NEBL: variants seen among roughly 807,000 people sequenced by gnomAD.
NEBL encodes the protein nebulette, also known as LIM and SH3 protein 2.
In NEBL, 122 loss-of-function variants were observed where a neutral mutation model predicts 140.2. The ratio of observed to expected loss-of-function variants is 0.87; its 90% CI spans 0.75 to 1.01. NEBL has a LOEUF of 1.01. Ranked by LOEUF, NEBL falls within the 50% of genes least tolerant of loss-of-function variation. NEBL has a pLI of 0.00. For missense variants in NEBL, 1,365 were observed against 1,231.3 expected (o/e 1.11, Z -1.62); for synonymous variants, 436 against 398.9 (o/e 1.09, Z -1.11).
chr10:20,978,011 T>A (rs977920434), intron 3 of NEBL, among the ~76,000 whole-genome samples: 1 of 152,254 alleles, frequency 6.6e-6, no homozygotes, highest in Non-Finnish European at 1.5e-5. Context: ...TCTTAAAATG[T>A]GGTATGAAAC....
At chr10:20,928,292 C>A (rs545821570) in intron 4 of NEBL, among the ~76,000 whole-genome samples, 24 of 152,288 alleles carry the variant, frequency 1.6e-4, no homozygotes, top group African/African-American at 5.1e-4. Context: ...TGTTCAATTT[C>A]TCAGTTACAC....
intron 2 of NEBL, among the ~76,000 whole-genome samples, chr10:21,140,285 C>A (rs1049364912): frequency 1.3e-5 from 2 of 152,072 alleles, no homozygotes; most frequent in Non-Finnish European, 2.9e-5. Context: ...AAAATATGAG[C>A]GTTTTCAAAC....
intron 14 of NEBL, among the ~76,000 whole-genome samples, chr10:20,835,218 T>C (rs751012784): frequency 1.3e-4 from 20 of 152,232 alleles, no homozygotes; most frequent in Non-Finnish European, 2.6e-4. Context: ...ATAGCCTAGA[T>C]TACCATTAAA....
chr10:20,985,925 T>C (rs1837240019), intron 3 of NEBL, among the ~76,000 whole-genome samples: 1 of 152,186 alleles, frequency 6.6e-6, no homozygotes. Context: ...TTATTGTTGT[T>C]ATAAAATTAT....
chr10:20,829,675 T>C (rs1840219740), intron 16 of NEBL, among the ~76,000 whole-genome samples: 1 of 152,148 alleles, frequency 6.6e-6, no homozygotes, highest in Non-Finnish European at 1.5e-5. Flanking sequence ...ATCCCAATTG[T>C]ATTTCAGTGA....
At chr10:20,824,722 T>A (rs940017057) in intron 18 of NEBL, among the ~76,000 whole-genome samples, 1 of 152,168 alleles carries the variant, frequency 6.6e-6, no homozygotes, top group African/African-American at 2.4e-5. Flanking sequence ...AATGATATAC[T>A]GTAATACTCT....
intron 4 of NEBL, among the ~76,000 whole-genome samples, chr10:20,906,259 T>C (rs1473054221): frequency 6.6e-6 from 1 of 152,194 alleles, no homozygotes; most frequent in East Asian, 1.9e-4. Context: ...AAACAAGTGA[T>C]GTCAATGTTC....
chr10:21,010,548 C>T (rs1838298545), intron 3 of NEBL, among the ~76,000 whole-genome samples: 1 of 151,756 alleles, frequency 6.6e-6, no homozygotes, highest in Non-Finnish European at 1.5e-5. Context: ...GCCACCACAC[C>T]CAGCCAAGAC....
intron 3 of NEBL, among the ~76,000 whole-genome samples, chr10:21,180,800 C>G (rs1841374604): frequency 6.6e-6 from 1 of 152,052 alleles, no homozygotes; most frequent in African/African-American, 2.4e-5. Context: ...CTCATGTCTT[C>G]CCTGGTTGGT....
intron 3 of NEBL, among the ~76,000 whole-genome samples, chr10:20,996,700 C>T (rs1052238512): frequency 1.3e-5 from 2 of 152,136 alleles, no homozygotes; most frequent in African/African-American, 4.8e-5. Context: ...TATTAAACTG[C>T]AAAAGTTACC....
At chr10:21,123,332 T>C (rs926051610) in intron 2 of NEBL, among the ~76,000 whole-genome samples, 7 of 152,216 alleles carry the variant, frequency 4.6e-5, no homozygotes, top group African/African-American at 1.7e-4. Flanking sequence ...TTTCTTTCAA[T>C]TTTGGCAAAT....
At chr10:21,067,518 G>A (rs933417159) in intron 2 of NEBL, among the ~76,000 whole-genome samples, 28 of 152,126 alleles carry the variant, frequency 1.8e-4, no homozygotes, top group African/African-American at 6.3e-4. Flanking sequence ...AAGAGAAACA[G>A]TTATGTATGC....
chr10:20,969,952 A>C (rs760870296), intron 3 of NEBL, among the ~76,000 whole-genome samples: 1 of 152,064 alleles, frequency 6.6e-6, no homozygotes, highest in Non-Finnish European at 1.5e-5. Flanking sequence ...AAATTACACA[A>C]ACTTGTCTTG....
At chr10:20,954,025 G>GAAAAAAAAAAAAAAAAAA (rs200642113) in intron 4 of NEBL, among the ~76,000 whole-genome samples, 1 of 125,726 alleles carries the variant, frequency 8.0e-6, no homozygotes. Context: ...TCTTCTTAAG[G>GAAAAAAAAAAAAAAAAAA]AAAAAAAAAA....
intron 2 of NEBL, among the ~76,000 whole-genome samples, chr10:21,033,405 T>C (rs1833877219): frequency 6.6e-6 from 1 of 152,198 alleles, no homozygotes; most frequent in South Asian, 2.1e-4. Flanking sequence ...GGGAAAACCA[T>C]AAAATAATTC....
chr10:21,177,535 C>T (rs7913039), upstream of NEBL, among the ~76,000 whole-genome samples: 1,849 of 145,062 alleles, frequency 0.013, 34 homozygotes, highest in African/African-American at 0.043. Context: ...TTTATTTTTC[C>T]TTTTTTTTTT....
At chr10:20,832,460 C>G (rs1022914097) in intron 14 of NEBL, among the ~76,000 whole-genome samples, 10 of 151,958 alleles carry the variant, frequency 6.6e-5, no homozygotes, top group African/African-American at 2.2e-4. Flanking sequence ...AATGGATTAC[C>G]AATTGCTTAC....
chr10:21,219,243 T>C (rs751649532), intron 3 of NEBL, among the ~76,000 whole-genome samples: 16 of 152,168 alleles, frequency 1.1e-4, no homozygotes, highest in South Asian at 2.1e-4. Flanking sequence ...TTATAAGTAA[T>C]AAATGAAATT....
chr10:20,920,034 T>A (rs540516564), intron 4 of NEBL, among the ~76,000 whole-genome samples: 31 of 152,258 alleles, frequency 2.0e-4, no homozygotes, highest in Admixed American at 1.9e-3. Flanking sequence ...ATACAAATGG[T>A]CCTTAGTGTA....
Sources: allele counts gnomAD v4.1 joint callset (sites outside exome capture counted in the v4.1 genomes callset), GRCh38; gene constraint gnomAD v4.1.1; transcripts MANE v1.5; gene names NCBI Gene and HGNC (gene_info 2026-07-23, HGNC 2026-07-21).